The following LOC128125818 variants were observed in gnomAD, a reference collection of about 807,000 sequenced individuals.
the LOC128125818 span, among the ~76,000 whole-genome samples, chr4:6,067,750 G>A: frequency 0.015 from 1,017 of 70,028 alleles, no homozygotes; most frequent in African/African-American, 0.033. This position sits in a 1 kb window ranked among gnomAD's most constrained non-coding sequence, Gnocchi z 4.6. Context: ...TTCTGCACAC[G>A]CAGGTCACCC....
the LOC128125818 span, among the ~76,000 whole-genome samples, chr4:6,068,268 G>T: frequency 6.6e-6 from 1 of 152,160 alleles, no homozygotes; most frequent in East Asian, 1.9e-4. Flanking sequence ...GTTTAAAGTA[G>T]AGCAACCTTA....
At chr4:6,065,224 T>C in the LOC128125818 span, among the ~76,000 whole-genome samples, 3 of 152,112 alleles carry the variant, frequency 2.0e-5, no homozygotes. This position sits in a 1 kb window ranked among gnomAD's most constrained non-coding sequence, Gnocchi z 5.1. Flanking sequence ...CTGAGCGAGC[T>C]AGTCTGGCCC....
chr4:6,065,600 G>C, the LOC128125818 span, among the ~76,000 whole-genome samples: 5 of 152,242 alleles, frequency 3.3e-5, no homozygotes, highest in East Asian at 9.6e-4. The surrounding 1 kb of genome is among the most constrained non-coding windows in gnomAD (Gnocchi z 5.1). Context: ...CCCACACTTA[G>C]AGGCAATCTC....
chr4:6,065,103 G>C, the LOC128125818 span: 5 of 1,494,090 alleles, frequency 3.3e-6, no homozygotes, highest in Non-Finnish European at 1.8e-6. The surrounding 1 kb of genome is among the most constrained non-coding windows in gnomAD (Gnocchi z 5.1). Flanking sequence ...GGGGGGTGAT[G>C]ATTGACATTT....
the LOC128125818 span, among the ~76,000 whole-genome samples, chr4:6,068,287 C>G: frequency 7.2e-5 from 11 of 152,190 alleles, no homozygotes; most frequent in South Asian, 2.1e-4. Flanking sequence ...TAGCAAACAG[C>G]CTAACTCCAG....
the LOC128125818 span, among the ~76,000 whole-genome samples, chr4:6,069,013 A>C: frequency 6.6e-6 from 1 of 152,206 alleles, no homozygotes. The surrounding 1 kb of genome is among the most constrained non-coding windows in gnomAD (Gnocchi z 4.5). Flanking sequence ...ATTTCTCAAT[A>C]TATTTGTGTC....
the LOC128125818 span, among the ~76,000 whole-genome samples, chr4:6,069,619 G>A: frequency 6.6e-6 from 1 of 152,134 alleles, no homozygotes; most frequent in East Asian, 1.9e-4. The surrounding 1 kb of genome is among the most constrained non-coding windows in gnomAD (Gnocchi z 4.5). Context: ...CGAGTATGGT[G>A]GCTGACGCCT....
the LOC128125818 span, chr4:6,065,122 G>T: frequency 7.6e-7 from 1 of 1,312,132 alleles, no homozygotes; most frequent in Non-Finnish European, 1.1e-6. This position sits in a 1 kb window ranked among gnomAD's most constrained non-coding sequence, Gnocchi z 5.1. Flanking sequence ...TTGGGCCACT[G>T]GGGCATCACA....
chr4:6,065,349 A>AG, the LOC128125818 span, among the ~76,000 whole-genome samples: 1 of 152,218 alleles, frequency 6.6e-6, no homozygotes, highest in South Asian at 2.1e-4. This position sits in a 1 kb window ranked among gnomAD's most constrained non-coding sequence, Gnocchi z 5.1. Flanking sequence ...TGAGCACAAA[A>AG]GGGGGCCATG....
chr4:6,065,138 C>A, the LOC128125818 span: 1 of 1,155,992 alleles, frequency 8.7e-7, no homozygotes, highest in Non-Finnish European at 1.3e-6. The surrounding 1 kb of genome is among the most constrained non-coding windows in gnomAD (Gnocchi z 5.1). Flanking sequence ...TCACAAGATG[C>A]GGTTGGTGGG....
chr4:6,066,694 G>T, the LOC128125818 span, among the ~76,000 whole-genome samples: 3 of 151,968 alleles, frequency 2.0e-5, no homozygotes, highest in Non-Finnish European at 2.9e-5. Context: ...AAACCCTGTT[G>T]TCTTCACCTT....
the LOC128125818 span, among the ~76,000 whole-genome samples, chr4:6,067,704 A>T: frequency 6.7e-6 from 1 of 150,226 alleles, no homozygotes; most frequent in Middle Eastern, 3.2e-3. The surrounding 1 kb of genome is among the most constrained non-coding windows in gnomAD (Gnocchi z 4.6). Flanking sequence ...CTGCACACAC[A>T]GGTCACCCCC....
chr4:6,065,073 G>A, the LOC128125818 span: 10 of 1,600,392 alleles, frequency 6.2e-6, no homozygotes, highest in African/African-American at 5.4e-5. This position sits in a 1 kb window ranked among gnomAD's most constrained non-coding sequence, Gnocchi z 5.1. Flanking sequence ...CCAGTCCCTG[G>A]TCGTGGGCAT....
the LOC128125818 span, among the ~76,000 whole-genome samples, chr4:6,068,949 T>C: frequency 0.74 from 113,103 of 152,186 alleles, 47,791 homozygotes; most frequent in East Asian, 0.96. Flanking sequence ...TTGTTTCCTT[T>C]AGAGAAAAGT....
At chr4:6,065,127 A>G in the LOC128125818 span, 1 of 1,253,560 alleles carries the variant, frequency 8.0e-7, no homozygotes, top group East Asian at 2.3e-5. This position sits in a 1 kb window ranked among gnomAD's most constrained non-coding sequence, Gnocchi z 5.1. Flanking sequence ...CCACTGGGGC[A>G]TCACAAGATG....
chr4:6,066,610 T>A, the LOC128125818 span, among the ~76,000 whole-genome samples: 2 of 152,098 alleles, frequency 1.3e-5, no homozygotes, highest in African/African-American at 2.4e-5. Flanking sequence ...CAGCTCATGC[T>A]TCAGTTGCCC....
At chr4:6,068,550 TTTTTTAAC>T in the LOC128125818 span, among the ~76,000 whole-genome samples, 1 of 113,102 alleles carries the variant, frequency 8.8e-6, no homozygotes, top group Non-Finnish European at 1.7e-5. Flanking sequence ...TTTTTAAAAA[TTTTTTAAC>T]TTTTTTTTTT....
the LOC128125818 span, among the ~76,000 whole-genome samples, chr4:6,065,386 A>T: frequency 6.6e-6 from 1 of 152,364 alleles, no homozygotes; most frequent in East Asian, 1.9e-4. This position sits in a 1 kb window ranked among gnomAD's most constrained non-coding sequence, Gnocchi z 5.1. Context: ...AAAGCAGCCC[A>T]GCACTCCGTC....
At chr4:6,065,625 T>C in the LOC128125818 span, among the ~76,000 whole-genome samples, 3 of 152,190 alleles carry the variant, frequency 2.0e-5, no homozygotes, top group Non-Finnish European at 4.4e-5. The surrounding 1 kb of genome is among the most constrained non-coding windows in gnomAD (Gnocchi z 5.1). Context: ...TAACTTTTTA[T>C]TATAGAAAAC....
Sources: allele counts gnomAD v4.1 joint callset (sites outside exome capture counted in the v4.1 genomes callset), GRCh38; gene constraint gnomAD v4.1.1; non-coding constraint Gnocchi (gnomAD v3.1); transcripts MANE v1.5.